The following NAALADL2 variants were observed in gnomAD, a reference collection of about 807,000 sequenced individuals.
NAALADL2 encodes inactive N-acetylated-alpha-linked acidic dipeptidase-like protein 2.
A neutral mutation model predicts 87.2 loss-of-function variants in NAALADL2; 76 were observed. The ratio of observed to expected loss-of-function variants is 0.87; its 90% CI spans 0.72 to 1.05. The LOEUF (loss-of-function observed/expected upper bound fraction) is 1.05, where lower values mean the gene tolerates loss of function less well. NAALADL2 is among the 50% of genes least tolerant of loss of function. The pLI, the probability that NAALADL2 is intolerant of heterozygous loss-of-function variation, is 0.00. For missense variants in NAALADL2, 1,089 were observed against 945.8 expected (o/e 1.15, Z -1.99); for synonymous variants, 354 against 331.0 (o/e 1.07, Z -0.75).
chr3:175,292,931 G>C (rs1012667203), intron 4 of NAALADL2, among the ~76,000 whole-genome samples: 2 of 151,278 alleles, frequency 1.3e-5, no homozygotes, highest in African/African-American at 4.9e-5. Flanking sequence ...CAGCTACTCG[G>C]GAGGCTGAGG....
At chr3:174,801,158 T>C (rs1272367008) in intron 3 of NAALADL2, among the ~76,000 whole-genome samples, 2 of 152,126 alleles carry the variant, frequency 1.3e-5, no homozygotes, top group Non-Finnish European at 2.9e-5. Context: ...ACATGAGATT[T>C]GGGAGGTGCT....
chr3:175,305,683 C>T (rs957766558), intron 4 of NAALADL2, among the ~76,000 whole-genome samples: 5 of 152,008 alleles, frequency 3.3e-5, no homozygotes, highest in South Asian at 2.1e-4. Flanking sequence ...CCACCACGCC[C>T]GGCTAATTTT....
At chr3:174,780,647 A>G (rs1380169195) in intron 3 of NAALADL2, among the ~76,000 whole-genome samples, 1 of 152,058 alleles carries the variant, frequency 6.6e-6, no homozygotes, top group African/African-American at 2.4e-5. Context: ...TTATTTTGAG[A>G]TATGTTCCAT....
intron 9 of NAALADL2, among the ~76,000 whole-genome samples, chr3:175,575,831 C>T (rs1264809160): frequency 1.3e-5 from 2 of 152,100 alleles, no homozygotes; most frequent in East Asian, 3.9e-4. Flanking sequence ...CTTCAGTGAG[C>T]GTCAGAATCA....
intron 1 of NAALADL2, among the ~76,000 whole-genome samples, chr3:174,968,359 A>T (rs1034205954): frequency 2.0e-5 from 3 of 152,210 alleles, no homozygotes; most frequent in Non-Finnish European, 4.4e-5. Context: ...AGAGACTGTT[A>T]TATCCTCAGT....
intron 13 of NAALADL2, among the ~76,000 whole-genome samples, chr3:175,785,907 C>T (rs1180694166): frequency 1.3e-5 from 2 of 149,890 alleles, no homozygotes; most frequent in African/African-American, 5.0e-5. Context: ...CTGGTGGTGA[C>T]AAAATCTCTC....
At chr3:175,418,094 G>C (rs1714989298) in intron 5 of NAALADL2, among the ~76,000 whole-genome samples, 1 of 152,074 alleles carries the variant, frequency 6.6e-6, no homozygotes, top group African/African-American at 2.4e-5. Flanking sequence ...AAAAAGGAGA[G>C]CTGAAGTATA....
intron 2 of NAALADL2, among the ~76,000 whole-genome samples, chr3:175,142,819 T>G (rs144822277): frequency 3.6e-4 from 55 of 152,138 alleles, no homozygotes; most frequent in African/African-American, 1.2e-3. Context: ...GTATTTTAAC[T>G]TGTCAAACTC....
rs1398396262 is a variant in NAALADL2 at position 175,698,483 on chromosome 3, T to TTTTA, written c.1897-38822_1897-38821insTTAT. Among the ~76,000 whole-genome samples the TTTTA allele has an allele frequency of 2.1e-4, 14 of 67,740 alleles. 3 individuals carry two copies. The highest frequency in any genetic ancestry group is 1.3e-3 in the African/African-American group (14 of 11,058). 44.4% of individuals were successfully genotyped at this position (67,740 alleles called of 152,430 possible). ...TGTGTATATATGTGTGTATATATAT[T>TTTTA]TATATATATATATATATATAAAATC... On this transcript the variant is annotated intron_variant, in intron 11 of 13. Transcript: ENST00000454872.
At chr3:174,530,932 GA>G (rs1292174448) in intron 1 of NAALADL2, among the ~76,000 whole-genome samples, 2 of 152,190 alleles carry the variant, frequency 1.3e-5, no homozygotes, top group African/African-American at 4.8e-5. Context: ...TCTCTTGTAT[GA>G]TCAGTTTATT....
chr3:175,256,343 T>C, intron 3 of NAALADL2, 68 bp from the exon 4 acceptor site: 2 of 1,432,848 alleles, frequency 1.4e-6, no homozygotes, highest in South Asian at 2.8e-5. Context: ...TTTGTTATAC[T>C]AAATGGACAA....
intron 11 of NAALADL2, among the ~76,000 whole-genome samples, chr3:175,657,247 T>C (rs1482597534): frequency 6.6e-6 from 1 of 152,158 alleles, no homozygotes; most frequent in Non-Finnish European, 1.5e-5. Context: ...ACACTATTAA[T>C]ATAACTATTT....
chr3:175,169,528 T>C (rs1053025377), intron 2 of NAALADL2, among the ~76,000 whole-genome samples: 9 of 151,650 alleles, frequency 5.9e-5, no homozygotes, highest in African/African-American at 1.9e-4. Flanking sequence ...ATTAAACTAA[T>C]TATTTTGTAA....
chr3:175,793,464 C>T (rs976881119), intron 13 of NAALADL2, among the ~76,000 whole-genome samples: 11 of 151,556 alleles, frequency 7.3e-5, no homozygotes, highest in South Asian at 2.1e-4. Flanking sequence ...CACCCGCCAC[C>T]GCGCCCGGCT....
chr3:175,585,445 A>G (rs1321794750), intron 10 of NAALADL2, among the ~76,000 whole-genome samples: 2 of 152,216 alleles, frequency 1.3e-5, no homozygotes, highest in East Asian at 3.8e-4. Context: ...AAGGTCCTAA[A>G]TGTTTTAGCT....
chr3:175,455,289 C>T (rs902783549), intron 6 of NAALADL2, among the ~76,000 whole-genome samples: 12 of 152,134 alleles, frequency 7.9e-5, no homozygotes, highest in African/African-American at 2.9e-4. Context: ...CTTAGAGGTA[C>T]TTCTCCTGGG....
In NAALADL2 at chr3:174,847,157, AG is replaced by A. The variant is rs554116903; in HGVS notation, c.-9+109412del. ...TTGGGCCAGTATACCTAAGCACAAA[AG>A]AATCTTGTTTAATTTATCTCTACCC... On this transcript the variant is annotated intron_variant, in intron 3 of 3. Coordinates refer to the NAALADL2 transcript ENST00000434257. Among the ~76,000 whole-genome samples, 251 of 152,310 alleles carry A rather than the reference AG, an allele frequency of 1.6e-3. 1 individual carries two copies. The highest frequency in any genetic ancestry group is 5.5e-3 in the African/African-American group (230 of 41,568).
intron 2 of NAALADL2, among the ~76,000 whole-genome samples, chr3:174,642,731 C>T (rs1723347115): frequency 7.4e-6 from 1 of 136,012 alleles, no homozygotes; most frequent in Non-Finnish European, 1.6e-5. Context: ...AAAGTAATAT[C>T]AGTGCCATGA....
chr3:175,434,390 T>C (rs185884219), intron 5 of NAALADL2, among the ~76,000 whole-genome samples: 4 of 152,140 alleles, frequency 2.6e-5, no homozygotes, highest in Admixed American at 2.6e-4. Context: ...TTTTCTTGTG[T>C]CAATATTTCC....
Sources: gnomAD v4.1 joint callset for allele counts (sites outside exome capture counted in the v4.1 genomes callset) on GRCh38, gnomAD v4.1.1 for gene constraint, MANE v1.5 for transcripts, NCBI Gene and HGNC (gene_info 2026-07-23, HGNC 2026-07-21) for gene names.